Variants in CLEC4D observed in about 807,000 individuals in gnomAD.
CLEC4D encodes the protein C-type lectin domain family 4 member D.
Under a neutral mutation model 21.1 loss-of-function variants are expected in CLEC4D, and 21 were observed. That is an observed-to-expected ratio of 1.00 (90% CI 0.71 to 1.43). The LOEUF (loss-of-function observed/expected upper bound fraction) is 1.43, where lower values mean the gene tolerates loss of function less well. CLEC4D is among the 40% of genes most tolerant of loss of function. The probability of loss-of-function intolerance (pLI) is 0.00; values close to 1 mark genes in which losing one functional copy is unlikely to be tolerated. For synonymous variants in CLEC4D, 85 were observed against 83.1 expected, an observed-to-expected ratio of 1.02 and a Z score of -0.12; for missense variants, 289 against 260.7, an observed-to-expected ratio of 1.11 and a Z score of -0.75.
rs111543895 is a variant in CLEC4D at position 8,521,046 on chromosome 12, T to G, written c.501-78T>G. The G allele has an allele frequency of 2.7e-4, 407 of 1,504,070 alleles. No individual in the cohort carries two copies. The African/African-American group carries it at 5.0e-3, about 19-fold the overall frequency. 93.2% of individuals were successfully genotyped at this position (1,504,070 alleles called of 1,614,324 possible). On this transcript the variant is annotated intron_variant, in intron 5 of 5. Transcript: ENST00000299665. ...TTTCTCTGAATTGTCTCCTAATATA[T>G]CTATATCTAATCTACACCTATAATC...
At chr12:8,528,734 A>G in the CLEC4D span, among the ~76,000 whole-genome samples, 1 of 152,266 alleles carries the variant, frequency 6.6e-6, no homozygotes, top group Admixed American at 6.5e-5. Context: ...AGATAAATAA[A>G]TCTTCTAACC....
intron 4 of CLEC4D, among the ~76,000 whole-genome samples, chr12:8,519,612 G>A (rs1053867058): frequency 4.6e-5 from 7 of 152,184 alleles, no homozygotes; most frequent in African/African-American, 1.7e-4. Flanking sequence ...TGTTTGGTTA[G>A]TAGGTGAATA....
Position 8,513,767 on chromosome 12 carries a change from A to G in CLEC4D, c.28+7A>G. ...GAAAAACCTCAAAGTAAACGTGAGTACTTTCTCTCCTTTCCATTTCAAAGA... is the reference window on the plus strand; with the variant it reads ...GAAAAACCTCAAAGTAAACGTGAGTGCTTTCTCTCCTTTCCATTTCAAAGA... On this transcript the variant is annotated splice_region_variant and intron_variant, in intron 1 of 5. Coordinates refer to ENST00000299665, the MANE Select transcript of CLEC4D (RefSeq NM_080387.5). 9.5e-7 allele frequency: 1 copy of G among 1,051,750 alleles called. No individual in the cohort carries two copies. Among genetic ancestry groups the G allele is most frequent in the Non-Finnish European group, 1.5e-6 (1 of 668,512 alleles). 65.2% of individuals were successfully genotyped at this position (1,051,750 alleles called of 1,614,324 possible). A position where few individuals can be genotyped will look rare whatever the true frequency, so the allele number is the denominator to read the frequency against.
chr12:8,516,924 T>G (rs1940389318), intron 2 of CLEC4D, among the ~76,000 whole-genome samples: 1 of 152,212 alleles, frequency 6.6e-6, no homozygotes, highest in South Asian at 2.1e-4. Flanking sequence ...TGACAATGGA[T>G]GAATTATAGC....
downstream of CLEC4D, among the ~76,000 whole-genome samples, chr12:8,524,309 T>C (rs1364657077): frequency 6.6e-6 from 1 of 150,410 alleles, no homozygotes; most frequent in Admixed American, 6.6e-5. Flanking sequence ...AGAATTCAGC[T>C]GTAAATCCAT....
chr12:8,518,870 T>TA (rs1389711367), intron 3 of CLEC4D, 139 bp from the exon 4 acceptor site: 2 of 1,385,214 alleles, frequency 1.4e-6, no homozygotes, highest in African/African-American at 2.9e-5. Context: ...GATCTTTTGG[T>TA]AGGAGAACAG....
At chr12:8,527,016 G>A (rs12310530), downstream of CLEC4D, among the ~76,000 whole-genome samples, 3 of 151,772 alleles carry the variant, frequency 2.0e-5, no homozygotes, top group Non-Finnish European at 4.4e-5. Flanking sequence ...TCACTCCCGT[G>A]CTTGCAGATG....
chr12:8,527,614 G>C, the CLEC4D span, among the ~76,000 whole-genome samples: 669 of 152,328 alleles, frequency 4.4e-3, 1 homozygote, highest in Non-Finnish European at 7.5e-3. Flanking sequence ...AGGGAGCTTT[G>C]CATGTTAAGC....
Position 8,520,234 on chromosome 12 carries a change from T to C in CLEC4D, c.393T>C (p.Ile131=), listed in dbSNP as rs779590058. The C allele has an allele frequency of 1.2e-6, 2 of 1,613,824 alleles. No homozygotes were observed. The highest frequency in any genetic ancestry group is 1.7e-6 in the Non-Finnish European group (2 of 1,179,754). Residue 131 remains isoleucine, a synonymous_variant, in exon 5 of 6, where the codon ATT becomes ATC. Transcript: ENST00000299665. The part of the protein sequence containing the change: ...TISTEAEQNF[I]IQFLDRRLSY... ...TTTACATTTTTATGCAGAACTTTAT[T>C]ATTCAGTTTCTGGATAGACGGCTTT...
the CLEC4D span, among the ~76,000 whole-genome samples, chr12:8,528,937 T>A: frequency 1.3e-5 from 2 of 151,896 alleles, no homozygotes; most frequent in Non-Finnish European, 2.9e-5. Flanking sequence ...TATAGATATA[T>A]AATCCACATT....
At chr12:8,525,815 T>C (rs1382101153), downstream of CLEC4D, among the ~76,000 whole-genome samples, 1 of 152,220 alleles carries the variant, frequency 6.6e-6, no homozygotes, top group African/African-American at 2.4e-5. Flanking sequence ...GTTTTTGCAG[T>C]GGCTGGTACC....
At position 8,519,104 on chromosome 12, in the gene CLEC4D, AG is replaced by A; in HGVS notation, c.330del (p.Asn111ThrfsTer9). 6.2e-7 allele frequency: 1 copy of A among 1,614,112 alleles called. No homozygotes were observed. The highest frequency in any genetic ancestry group is 8.5e-7 in the Non-Finnish European group (1 of 1,180,002). On this transcript the variant is annotated frameshift_variant, in exon 4 of 6. Transcript: ENST00000299665. LOFTEE classifies it high-confidence loss of function. ...TDNKTWAESE[R>X]NCSGMGAHLM... ...CAACAAGACGTGGGCTGAGAGTGAA[AG>A]GAACTGTTCAGGGATGGGGGCCCAT...
At chr12:8,522,781 T>G (rs1264474384), downstream of CLEC4D, among the ~76,000 whole-genome samples, 3 of 152,220 alleles carry the variant, frequency 2.0e-5, no homozygotes, top group African/African-American at 7.2e-5. Context: ...CATGCCTGTG[T>G]CCTGAATGGT....
intron 1 of CLEC4D, among the ~76,000 whole-genome samples, chr12:8,514,674 A>C (rs371055383): frequency 2.0e-5 from 3 of 152,222 alleles, no homozygotes. Flanking sequence ...CCTTGCCAAC[A>C]CTGCATGTAC....
At chr12:8,527,900 G>A in the CLEC4D span, among the ~76,000 whole-genome samples, 4 of 152,208 alleles carry the variant, frequency 2.6e-5, no homozygotes, top group Non-Finnish European at 5.9e-5. Context: ...TGGCTGGGTA[G>A]TGTGCTCACC....
chr12:8,524,421 A>G (rs1305894125), downstream of CLEC4D, among the ~76,000 whole-genome samples: 7 of 151,888 alleles, frequency 4.6e-5, no homozygotes, highest in Admixed American at 4.6e-4. Flanking sequence ...TTCCTGGTTT[A>G]GTCCCGGTAG....
Position 8,515,327 on chromosome 12 carries a change from G to C in CLEC4D, c.120G>C (p.Leu40Phe). 7.7e-7 allele frequency: 1 copy of C among 1,305,166 alleles called. No homozygotes were observed. Among genetic ancestry groups the C allele is most frequent in the Non-Finnish European group, 1.1e-6 (1 of 898,748 alleles). 80.8% of individuals were successfully genotyped at this position (1,305,166 alleles called of 1,614,324 possible). A position where few individuals can be genotyped will look rare whatever the true frequency, so the allele number is the denominator to read the frequency against. ...GTGTCTGTTTTATTGCAAGTTGTTT[G>C]GGTAAGTTATTAGCCAAAGTAGAAC... ...LLSVCFIASCLVTHHNFSRCK... is the reference protein window; with the variant it reads ...LLSVCFIASCFVTHHNFSRCK... Residue 40 changes from leucine (L) to phenylalanine (F), a missense_variant and splice_region_variant, in exon 2 of 6, where the codon TTG (leucine) becomes TTC (phenylalanine). Coordinates refer to ENST00000299665, the MANE Select transcript of CLEC4D (RefSeq NM_080387.5).
intron 4 of CLEC4D, 51 bp from the exon 5 acceptor site, chr12:8,520,175 T>C (rs1940439691): frequency 1.3e-6 from 2 of 1,597,994 alleles, no homozygotes; most frequent in South Asian, 1.1e-5. Context: ...TCCAACATCA[T>C]AGCCATCACC....
At position 8,515,291 on chromosome 12, in the gene CLEC4D, CT is replaced by C; in HGVS notation, c.86del (p.Leu29TyrfsTer13). ...CTTCGGTTATTGCTGTAGTTTTCAT[CT>C]TACTTCTCAGTGTCTGTTTTATTGC... ...IPSVIAVVFI[L>X]LLSVCFIASC... is the part of the protein sequence containing the mutation. On this transcript the variant is annotated frameshift_variant, in exon 2 of 6. Coordinates refer to ENST00000299665, the MANE Select transcript of CLEC4D (RefSeq NM_080387.5). LOFTEE classifies it high-confidence loss of function. 1.3e-6 allele frequency: 2 copies of C among 1,523,286 alleles called. No homozygotes were observed. The highest frequency in any genetic ancestry group is 9.1e-7 in the Non-Finnish European group (1 of 1,097,620). The allele number at this position is 1,523,286 out of a possible 1,614,324, so 94.4% of individuals were successfully genotyped here.
Sources: gnomAD v4.1 joint callset for allele counts (sites outside exome capture counted in the v4.1 genomes callset) on GRCh38, gnomAD v4.1.1 for gene constraint, MANE v1.5 for transcripts, NCBI Gene and HGNC (gene_info 2026-07-23, HGNC 2026-07-21) for gene names.